The following AP1S3 variants were observed in gnomAD, a reference collection of about 807,000 sequenced individuals.
AP1S3 encodes the protein AP-1 complex subunit sigma-3.
A neutral mutation model predicts 20.9 loss-of-function variants in AP1S3; 10 were observed. The ratio of observed to expected loss-of-function variants is 0.48; its 90% CI spans 0.29 to 0.81. The LOEUF (loss-of-function observed/expected upper bound fraction) is 0.81. AP1S3 is among the 30% of genes least tolerant of loss of function. The pLI is 0.08. For synonymous variants in AP1S3, 41 were observed against 61.5 expected (o/e 0.67, Z 1.56); for missense variants, 154 against 183.8 (o/e 0.84, Z 0.94).
At chr2:223,809,415 C>A (rs761262736) in intron 1 of AP1S3, among the ~76,000 whole-genome samples, 1 of 152,054 alleles carries the variant, frequency 6.6e-6, no homozygotes, top group South Asian at 2.1e-4. Context: ...GAGGCCAAGG[C>A]GGGCAGATCA....
At chr2:223,800,339 C>T (rs1248893563) in intron 1 of AP1S3, among the ~76,000 whole-genome samples, 1 of 152,048 alleles carries the variant, frequency 6.6e-6, no homozygotes. Flanking sequence ...TTGAGACCAG[C>T]CTGAGCAACA....
At chr2:223,770,065 GTA>G in intron 3 of AP1S3, 1 of 1,379,502 alleles carries the variant, frequency 7.2e-7, no homozygotes, top group Non-Finnish European at 9.7e-7. Flanking sequence ...TTTAAAAACC[GTA>G]TATGTTTAGA....
Position 223,756,664 on chromosome 2 carries a change from A to T in AP1S3, c.*2051T>A. On this transcript the variant is annotated 3_prime_UTR_variant, in exon 5 of 5. Transcript: ENST00000396654. ...AGCCTAATGATTATTTTATATGCTAATCTGAGTTATTTCCTTTGAACAATG... is the reference window on the plus strand; with the variant it reads ...AGCCTAATGATTATTTTATATGCTATTCTGAGTTATTTCCTTTGAACAATG... 1 of 985,320 alleles carries T rather than the reference A, an allele frequency of 1.0e-6. No homozygotes were observed. The highest frequency in any genetic ancestry group is 1.2e-6 in the Non-Finnish European group (1 of 829,832). 61.0% of individuals were successfully genotyped at this position (985,320 alleles called of 1,614,324 possible).
At chr2:223,815,952 A>G (rs1027086844) in intron 1 of AP1S3, among the ~76,000 whole-genome samples, 6 of 152,312 alleles carry the variant, frequency 3.9e-5, no homozygotes, top group African/African-American at 1.4e-4. Context: ...TGTACAAAAA[A>G]TACAAAAATT....
chr2:223,829,472 C>T (rs1692208577), intron 1 of AP1S3, among the ~76,000 whole-genome samples: 1 of 151,904 alleles, frequency 6.6e-6, no homozygotes, highest in Non-Finnish European at 1.5e-5. Flanking sequence ...ACTAAAAATA[C>T]AAAAATTAGC....
At chr2:223,820,609 T>C (rs1235440709) in intron 1 of AP1S3, among the ~76,000 whole-genome samples, 1 of 150,292 alleles carries the variant, frequency 6.7e-6, no homozygotes, top group Admixed American at 6.7e-5. Context: ...GCAGCACCTA[T>C]TACTTTATTC....
At chr2:223,794,677 C>T (rs951207760) in intron 1 of AP1S3, among the ~76,000 whole-genome samples, 1 of 152,130 alleles carries the variant, frequency 6.6e-6, no homozygotes, top group African/African-American at 2.4e-5. Context: ...GCACTCATTC[C>T]TCCAGGGCTC....
At chr2:223,823,316 A>G (rs1692036003) in intron 1 of AP1S3, among the ~76,000 whole-genome samples, 1 of 152,194 alleles carries the variant, frequency 6.6e-6, no homozygotes, top group South Asian at 2.1e-4. Flanking sequence ...ACTCTTCACA[A>G]TGGCCCAAGC....
At chr2:223,832,952 T>G (rs1574736877) in intron 1 of AP1S3, among the ~76,000 whole-genome samples, 1 of 44,210 alleles carries the variant, frequency 2.3e-5, no homozygotes, top group Admixed American at 3.4e-4. Context: ...AAATCCTTGA[T>G]TTTTTTTTAG....
chr2:223,755,502 G>A lies in AP1S3; in HGVS notation c.*3213C>T. ...AAATCCCTCAAATTTACCCCACTGT[G>A]CCATATAGATATGTTTACTTACTTT... On this transcript the variant is annotated 3_prime_UTR_variant, in exon 5 of 5. Coordinates refer to ENST00000396654, the MANE Select transcript of AP1S3 (RefSeq NM_001039569.2). 6.7e-6 allele frequency among the ~76,000 whole-genome samples: 1 copy of A among 149,996 alleles called. No homozygotes were observed. The highest frequency in any genetic ancestry group is 1.5e-5 in the Non-Finnish European group (1 of 67,754).
intron 4 of AP1S3, among the ~76,000 whole-genome samples, chr2:223,759,145 T>G (rs544868850): frequency 2.8e-4 from 42 of 152,168 alleles, no homozygotes; most frequent in African/African-American, 9.9e-4. Flanking sequence ...CCGAGTGTGG[T>G]GGCATGCACC....
chr2:223,774,916 C>G (rs1214430570), intron 3 of AP1S3, among the ~76,000 whole-genome samples: 1 of 149,174 alleles, frequency 6.7e-6, no homozygotes, highest in East Asian at 2.0e-4. Flanking sequence ...AAGGGATTTC[C>G]AGGACAGAGC....
At chr2:223,765,092 G>A (rs1305164593) in intron 4 of AP1S3, 121 bp downstream of exon 4, 3 of 1,381,686 alleles carry the variant, frequency 2.2e-6, no homozygotes, top group South Asian at 3.1e-5. Context: ...CATATAAATA[G>A]TTTAGAAACT....
rs138650360 is a variant in AP1S3, at chr2:223,804,821, TTA to T, written c.4-26954_4-26953del. ...GGATATTAATGGTAAAATCTGCAAA[TTA>T]TGTTTGGGCGTCCAGTTCAAATATC... On this transcript the variant is annotated intron_variant, in intron 1 of 4. Transcript: ENST00000396654. Among the ~76,000 whole-genome samples, 663 of 152,198 alleles carry T rather than the reference TTA, an allele frequency of 4.4e-3. 6 individuals carry two copies. Among genetic ancestry groups the T allele is most frequent in the African/African-American group, 0.014 (573 of 41,528 alleles).
chr2:223,825,318 A>G (rs1574730538), intron 1 of AP1S3, among the ~76,000 whole-genome samples: 1 of 151,704 alleles, frequency 6.6e-6, no homozygotes, highest in Non-Finnish European at 1.5e-5. Context: ...GTCTCAAAAA[A>G]AAAAGAAAAG....
intron 1 of AP1S3, among the ~76,000 whole-genome samples, chr2:223,825,522 T>C (rs1378506895): frequency 1.3e-5 from 2 of 152,176 alleles, no homozygotes; most frequent in South Asian, 2.1e-4. Flanking sequence ...GCCCCAGGCC[T>C]GTCTCTCCCA....
At chr2:223,775,541 C>A (rs1404717161) in intron 3 of AP1S3, among the ~76,000 whole-genome samples, 1 of 152,072 alleles carries the variant, frequency 6.6e-6, no homozygotes, top group African/African-American at 2.4e-5. Flanking sequence ...ATACATCCAC[C>A]TCTTGAAAGC....
chr2:223,776,856 G>C (rs1690796017), intron 2 of AP1S3, among the ~76,000 whole-genome samples: 1 of 152,128 alleles, frequency 6.6e-6, no homozygotes, highest in South Asian at 2.1e-4. Flanking sequence ...CAATTACTGT[G>C]ACTGGGAACT....
intron 4 of AP1S3, chr2:223,764,934 T>C (rs1201483068): frequency 1.6e-5 from 7 of 444,350 alleles, no homozygotes; most frequent in Non-Finnish European, 2.7e-5. Flanking sequence ...ATGCCACACT[T>C]CCTAGTGGAA....
Sources: gnomAD v4.1 joint callset for allele counts (sites outside exome capture counted in the v4.1 genomes callset) on GRCh38, gnomAD v4.1.1 for gene constraint, MANE v1.5 for transcripts, NCBI Gene and HGNC (gene_info 2026-07-23, HGNC 2026-07-21) for gene names.